ZNF221: variants seen among roughly 807,000 people sequenced by gnomAD.
ZNF221 encodes zinc finger protein 221.
ZNF221 carries 10 observed loss-of-function variants against 12.6 expected under a neutral mutation model. The ratio of observed to expected loss-of-function variants is 0.79; its 90% CI spans 0.49 to 1.34. ZNF221 has a LOEUF of 1.34. Ranked by LOEUF, ZNF221 falls within the 40% of genes most tolerant of loss-of-function variation. ZNF221 has a pLI of 0.00. For synonymous variants in ZNF221, 232 were observed against 244.0 expected (o/e 0.95, Z 0.46); for missense variants, 661 against 721.4 (o/e 0.92, Z 0.96).
At chr19:43,979,645 A>G in the ZNF221 span, among the ~76,000 whole-genome samples, 642 of 152,272 alleles carry the variant, frequency 4.2e-3, 4 homozygotes, top group South Asian at 0.011. Context: ...CCTGGGGTAT[A>G]GCCATATGTT....
rs747754239 is a variant in ZNF221 at position 43,962,704 on chromosome 19, G to T, written c.-2-21G>T. 15 of 1,612,006 alleles carry T rather than the reference G, an allele frequency of 9.3e-6. No homozygotes were observed. In the Admixed American group the frequency reaches 2.5e-4, roughly 27 times the overall value. On this transcript the variant is annotated intron_variant, in intron 1 of 4. Coordinates refer to ENST00000587682, the MANE Select transcript of ZNF221 (RefSeq NM_001297588.2). ...GTTACCATTTCCTGTCTGTTTTTCTGCCTTTCCTGGCACTTTCCAGGCATG... is the reference window on the plus strand; with the variant it reads ...GTTACCATTTCCTGTCTGTTTTTCTTCCTTTCCTGGCACTTTCCAGGCATG...
downstream of ZNF221, among the ~76,000 whole-genome samples, chr19:43,972,564 G>A (rs1007749369): frequency 6.6e-6 from 1 of 151,570 alleles, no homozygotes; most frequent in Non-Finnish European, 1.5e-5. Flanking sequence ...ATGATAAAGG[G>A]GATATCACCA....
chr19:43,975,802 T>C, the ZNF221 span, among the ~76,000 whole-genome samples: 1 of 152,210 alleles, frequency 6.6e-6, no homozygotes, highest in African/African-American at 2.4e-5. Context: ...CACTGCAATG[T>C]AGACCTTTAT....
Position 43,951,404 on chromosome 19 carries a change from T to C in ZNF221, c.-3+4T>C, listed in dbSNP as rs542616295. 2 of 152,436 alleles carry C rather than the reference T, an allele frequency of 1.3e-5. No homozygotes were observed. The highest frequency in any genetic ancestry group is 4.1e-4 in the South Asian group (2 of 4,830). 9.4% of individuals were successfully genotyped at this position (152,436 alleles called of 1,614,324 possible). On this transcript the variant is annotated splice_donor_region_variant and intron_variant, in intron 1 of 4. Coordinates refer to ENST00000587682, the MANE Select transcript of ZNF221 (RefSeq NM_001297588.2). ...GAAGCACCGTCGGAAAGCAAAGGTT[T>C]GGAAGGGTGAGGGCGGCGGTTTGCG... is the stretch of plus-strand genomic sequence containing the variant.
At chr19:43,976,307 G>A in the ZNF221 span, among the ~76,000 whole-genome samples, 1 of 152,032 alleles carries the variant, frequency 6.6e-6, no homozygotes, top group Non-Finnish European at 1.5e-5. Flanking sequence ...GGAGGCTGAG[G>A]CAGGTGGATC....
At position 43,966,274 on chromosome 19, in the gene ZNF221, C is replaced by T. The variant is rs780965139; in HGVS notation, c.772C>T (p.Gln258Ter). The T allele has an allele frequency of 1.2e-6, 2 of 1,614,004 alleles. No homozygotes were observed. The highest frequency in any genetic ancestry group is 2.2e-5 in the South Asian group (2 of 91,068). Residue 258 changes from glutamine to a stop codon, truncating the protein, a stop_gained, in exon 5 of 5, where the codon CAA (glutamine) becomes TAA (stop). Coordinates refer to ENST00000587682, the MANE Select transcript of ZNF221 (RefSeq NM_001297588.2). LOFTEE classifies it low-confidence loss of function (END_TRUNC). ...HTGEKPFKCG[Q>*]CGKGFHSRSA... ...TGGAGAGAAACCATTCAAATGTGGGCAATGTGGGAAAGGCTTCCATAGTAG... is the reference window on the plus strand; with the variant it reads ...TGGAGAGAAACCATTCAAATGTGGGTAATGTGGGAAAGGCTTCCATAGTAG...
intron 1 of ZNF221, among the ~76,000 whole-genome samples, chr19:43,958,639 A>T (rs992011714): frequency 6.6e-6 from 1 of 152,250 alleles, no homozygotes; most frequent in African/African-American, 2.4e-5. Context: ...AAAAGATTGG[A>T]TAAGTGCTCT....
intron 1 of ZNF221, among the ~76,000 whole-genome samples, chr19:43,956,095 G>T (rs1414469420): frequency 6.6e-6 from 1 of 152,168 alleles, no homozygotes; most frequent in Admixed American, 6.5e-5. Context: ...CTAGTCCAAA[G>T]TCTCAGTAAT....
At chr19:43,958,529 A>G (rs762846412) in intron 1 of ZNF221, among the ~76,000 whole-genome samples, 9 of 152,226 alleles carry the variant, frequency 5.9e-5, no homozygotes, top group Non-Finnish European at 1.3e-4. Context: ...CTTGGGAACA[A>G]TCTGTTAACA....
chr19:43,958,761 T>A (rs1386000803), intron 1 of ZNF221, among the ~76,000 whole-genome samples: 1 of 152,224 alleles, frequency 6.6e-6, no homozygotes, highest in African/African-American at 2.4e-5. Flanking sequence ...GATAGCAGTG[T>A]TTCCTTTTAT....
At chr19:43,960,624 C>A (rs1974827776) in intron 1 of ZNF221, among the ~76,000 whole-genome samples, 1 of 152,190 alleles carries the variant, frequency 6.6e-6, no homozygotes, top group Non-Finnish European at 1.5e-5. Context: ...GCCCAGGGAC[C>A]CCCTGCCCTG....
chr19:43,978,311 C>G, the ZNF221 span: 1 of 152,156 alleles, frequency 6.6e-6, no homozygotes, highest in Non-Finnish European at 1.5e-5. Flanking sequence ...GTGTTGCAAA[C>G]AGCTCTTTTT....
At chr19:43,961,064 A>G (rs553397656) in intron 1 of ZNF221, among the ~76,000 whole-genome samples, 5 of 152,294 alleles carry the variant, frequency 3.3e-5, no homozygotes, top group South Asian at 4.1e-4. Context: ...TTGGGAGTCT[A>G]TCTCTTATAC....
At chr19:43,956,013 C>T (rs1974748450) in intron 1 of ZNF221, among the ~76,000 whole-genome samples, 1 of 152,172 alleles carries the variant, frequency 6.6e-6, no homozygotes, top group Non-Finnish European at 1.5e-5. Flanking sequence ...TTTTTAATGT[C>T]TTTCAGTCAT....
At chr19:43,959,761 A>G (rs986591902) in intron 1 of ZNF221, among the ~76,000 whole-genome samples, 1 of 152,214 alleles carries the variant, frequency 6.6e-6, no homozygotes. Flanking sequence ...AATGTAAGCC[A>G]GTGAAACCTC....
chr19:43,975,529 G>A, the ZNF221 span, among the ~76,000 whole-genome samples: 3 of 152,058 alleles, frequency 2.0e-5, no homozygotes, highest in Non-Finnish European at 4.4e-5. Flanking sequence ...CACACACTGG[G>A]GCCTCTTGGA....
rs745483984 is a variant in ZNF221, at chr19:43,967,101, A to G, written c.1599A>G (p.Leu533=). The G allele has an allele frequency of 4.4e-6, 7 of 1,595,806 alleles. No homozygotes were observed. In the South Asian group the frequency reaches 6.7e-5, roughly 15 times the overall value. ...AGACATGCCATACTGGAGAAAAGCTATACAAATGTGAGCAGTGTGAGAAGG... is the reference window on the plus strand; with the variant it reads ...AGACATGCCATACTGGAGAAAAGCTGTACAAATGTGAGCAGTGTGAGAAGG... ...SHQTCHTGEK[L]YKCEQCEKGY... Residue 533 remains leucine, a synonymous_variant, in exon 5 of 5, where the codon CTA becomes CTG. Coordinates refer to ENST00000587682, the MANE Select transcript of ZNF221 (RefSeq NM_001297588.2).
intron 1 of ZNF221, among the ~76,000 whole-genome samples, chr19:43,954,368 C>T (rs1012250841): frequency 1.3e-5 from 2 of 152,162 alleles, no homozygotes; most frequent in African/African-American, 4.8e-5. Flanking sequence ...CATTCCTTTA[C>T]CCTCAGCTAC....
chr19:43,978,946 T>G, the ZNF221 span, among the ~76,000 whole-genome samples: 12 of 151,154 alleles, frequency 7.9e-5, no homozygotes, highest in Admixed American at 5.3e-4. Context: ...TTTTTTTTTT[T>G]TTTTTTTTTT....
Sources: gnomAD v4.1 joint callset for allele counts (sites outside exome capture counted in the v4.1 genomes callset) on GRCh38, gnomAD v4.1.1 for gene constraint, MANE v1.5 for transcripts, NCBI Gene and HGNC (gene_info 2026-07-23, HGNC 2026-07-21) for gene names.